Variants in HDAC9 observed in about 807,000 individuals in gnomAD.
HDAC9 encodes the protein MEF-2 interacting transcription repressor (MITR) protein.
HDAC9 carries 41 observed loss-of-function variants against 139.4 expected under a neutral mutation model. The observed-to-expected ratio is 0.29, with a 90% confidence interval of 0.23 to 0.38. The LOEUF is 0.38. HDAC9 is among the 10% of genes least tolerant of loss of function. The probability of loss-of-function intolerance (pLI) is 1.00; values close to 1 mark genes in which losing one functional copy is unlikely to be tolerated. For missense variants in HDAC9, 1,147 were observed against 1,297.0 expected, an observed-to-expected ratio of 0.88 and a Z score of 1.78; for synonymous variants, 517 against 476.2, an observed-to-expected ratio of 1.09 and a Z score of -1.12.
intron 11 of HDAC9, among the ~76,000 whole-genome samples, chr7:18,659,967 A>G (rs1031521737): frequency 2.6e-5 from 4 of 152,170 alleles, no homozygotes; most frequent in Non-Finnish European, 5.9e-5. Flanking sequence ...GGGGCCACTC[A>G]GTGACAGTAC....
upstream of HDAC9, among the ~76,000 whole-genome samples, chr7:18,289,290 A>G (rs1797654364): frequency 6.6e-6 from 1 of 152,176 alleles, no homozygotes; most frequent in Admixed American, 6.6e-5. Context: ...AGATCTAATT[A>G]TAAAAGAGAC....
intron 3 of HDAC9, 51 bp downstream of exon 3, chr7:18,585,573 T>G: frequency 6.3e-7 from 1 of 1,599,346 alleles, no homozygotes; most frequent in African/African-American, 1.3e-5. Flanking sequence ...TGCACCGTGG[T>G]GGGCATGAAC....
At chr7:18,715,166 A>G (rs1167366723) in intron 12 of HDAC9, among the ~76,000 whole-genome samples, 2 of 151,974 alleles carry the variant, frequency 1.3e-5, no homozygotes, top group African/African-American at 4.8e-5. Flanking sequence ...TTTTCATTCT[A>G]TTTAAGACAT....
intron 1 of HDAC9, among the ~76,000 whole-genome samples, chr7:18,131,273 T>C (rs1018672552): frequency 6.6e-6 from 1 of 152,136 alleles, no homozygotes; most frequent in Non-Finnish European, 1.5e-5. Flanking sequence ...AAATAGAACA[T>C]TGATGATTCA....
At chr7:18,104,003 T>TA (rs1301339767) in intron 1 of HDAC9, among the ~76,000 whole-genome samples, 3 of 152,088 alleles carry the variant, frequency 2.0e-5, no homozygotes, top group Non-Finnish European at 4.4e-5. Context: ...GGAACACTCA[T>TA]ACCCACCCAC....
intron 21 of HDAC9, among the ~76,000 whole-genome samples, chr7:18,870,016 G>A (rs1013567517): frequency 2.6e-5 from 4 of 151,254 alleles, no homozygotes; most frequent in African/African-American, 9.7e-5. Flanking sequence ...TCTGATACTT[G>A]TTAGCATTTT....
chr7:18,993,216 C>G (rs1786141716), intron 25 of HDAC9, among the ~76,000 whole-genome samples: 1 of 149,456 alleles, frequency 6.7e-6, no homozygotes, highest in African/African-American at 2.5e-5. Flanking sequence ...TAAATTGTCC[C>G]AATGGCAGAT....
At chr7:18,849,040 C>G (rs1797096342) in intron 21 of HDAC9, among the ~76,000 whole-genome samples, 1 of 152,144 alleles carries the variant, frequency 6.6e-6, no homozygotes, top group Non-Finnish European at 1.5e-5. Flanking sequence ...CTATAGAACA[C>G]AGTTTGAAAA....
At chr7:18,373,452 A>G (rs1206145085) in intron 1 of HDAC9, among the ~76,000 whole-genome samples, 1 of 152,220 alleles carries the variant, frequency 6.6e-6, no homozygotes, top group Non-Finnish European at 1.5e-5. Context: ...GGATTATTAC[A>G]ATACAAAAAG....
At chr7:18,318,898 C>T (rs549125050) in intron 1 of HDAC9, among the ~76,000 whole-genome samples, 14 of 152,242 alleles carry the variant, frequency 9.2e-5, no homozygotes, top group African/African-American at 3.4e-4. Flanking sequence ...GACTTTTGCT[C>T]CTCAAAGTCT....
intron 16 of HDAC9, among the ~76,000 whole-genome samples, chr7:18,779,892 T>A (rs978816172): frequency 6.6e-6 from 1 of 152,006 alleles, no homozygotes; most frequent in African/African-American, 2.4e-5. Flanking sequence ...ATCAAGGCAC[T>A]GCAGGGAGAC....
At chr7:18,548,925 A>C (rs1219196385) in intron 2 of HDAC9, among the ~76,000 whole-genome samples, 1 of 152,234 alleles carries the variant, frequency 6.6e-6, no homozygotes, top group Non-Finnish European at 1.5e-5. Context: ...TCTGGAAAAT[A>C]GTTTGGCTGA....
At position 18,762,230 on chromosome 7, in the gene HDAC9, G is replaced by A; in HGVS notation, c.2117G>A (p.Gly706Asp). The part of the protein sequence containing the change: ...VHSEHHSLLY[G>D]TNPLDGQKLD... ...TCTGAACATCACTCACTGTTGTATG[G>A]CACCAACCCCCTGGACGGACAGAAG... Residue 706 changes from glycine to aspartate, a missense_variant, in exon 15 of 26, where the codon GGC (glycine) becomes GAC (aspartate). Around this residue, in one of 7 missense-constraint regions of HDAC9, gnomAD observed 407 missense variants for 521.5 expected, o/e 0.78. Coordinates refer to ENST00000686413, the MANE Select transcript of HDAC9 (RefSeq NM_178425.4). The A allele has an allele frequency of 1.2e-6, 2 of 1,613,612 alleles. No homozygotes were observed. Among genetic ancestry groups the A allele is most frequent in the Non-Finnish European group, 1.7e-6 (2 of 1,179,696 alleles).
chr7:18,777,729 A>G (rs1790900340), intron 16 of HDAC9, among the ~76,000 whole-genome samples: 1 of 151,932 alleles, frequency 6.6e-6, no homozygotes, highest in Admixed American at 6.6e-5. Context: ...CTTTGACCCC[A>G]GTGGTATTCA....
At chr7:18,558,775 C>T (rs1337985885) in intron 2 of HDAC9, among the ~76,000 whole-genome samples, 1 of 152,132 alleles carries the variant, frequency 6.6e-6, no homozygotes, top group African/African-American at 2.4e-5. Context: ...CAAATGGTCT[C>T]GATTCAGTAA....
At chr7:18,389,634 G>A (rs1420156059) in intron 1 of HDAC9, among the ~76,000 whole-genome samples, 3 of 152,154 alleles carry the variant, frequency 2.0e-5, no homozygotes, top group African/African-American at 7.2e-5. Context: ...TTAGTGGCTG[G>A]CTTGTGGTCT....
intron 17 of HDAC9, among the ~76,000 whole-genome samples, chr7:18,811,953 T>G (rs1167780751): frequency 6.6e-6 from 1 of 151,830 alleles, no homozygotes; most frequent in Non-Finnish European, 1.5e-5. Context: ...CCCCCTTAAA[T>G]AGCTCAAATC....
At chr7:18,126,533 C>T (rs1178893867) in intron 1 of HDAC9, among the ~76,000 whole-genome samples, 1 of 152,122 alleles carries the variant, frequency 6.6e-6, no homozygotes, top group African/African-American at 2.4e-5. Context: ...TTCATTAGTT[C>T]AAAAGCAGAT....
chr7:18,945,018 G>T (rs534483115), intron 23 of HDAC9, among the ~76,000 whole-genome samples: 3 of 152,130 alleles, frequency 2.0e-5, no homozygotes, highest in Non-Finnish European at 1.5e-5. Context: ...CATTTTATAT[G>T]TGTTTCTTGG....
Sources: allele counts gnomAD v4.1 joint callset (sites outside exome capture counted in the v4.1 genomes callset), GRCh38; gene constraint gnomAD v4.1.1; regional missense constraint gnomAD v4.1.1; transcripts MANE v1.5; gene names NCBI Gene and HGNC (gene_info 2026-07-23, HGNC 2026-07-21).